Variants in LMBRD2 observed in about 807,000 individuals in gnomAD.
LMBRD2 encodes the protein LMBR1 domain containing 2.
A neutral mutation model predicts 94.4 loss-of-function variants in LMBRD2; 55 were observed. The observed-to-expected ratio is 0.58, with a 90% CI of 0.47 to 0.73. The LOEUF (loss-of-function observed/expected upper bound fraction) is 0.73, where lower values mean the gene tolerates loss of function less well. Ranked by LOEUF, LMBRD2 falls within the 30% of genes least tolerant of loss-of-function variation. The probability of loss-of-function intolerance (pLI) is 0.00; values close to 1 mark genes in which losing one functional copy is unlikely to be tolerated. For missense variants in LMBRD2, 640 were observed against 831.9 expected, an observed-to-expected ratio of 0.77 and a Z score of 2.84; for synonymous variants, 246 against 272.4, an observed-to-expected ratio of 0.90 and a Z score of 0.95.
At position 36,136,476 on chromosome 5, in the gene LMBRD2, C is replaced by T; in HGVS notation, c.580G>A (p.Gly194Ser). ...TIGIAAANTW[G>S]LFLLVLLLGY... ...AACAACAACACAAGAAGAAACAGAC[C>T]CCATGTATTTGCAGCAGCTATCCCA... The change falls in exon 6 of 18, where the codon GGT becomes AGT. Residue 194 changes from glycine (G) to serine (S), a missense_variant. Coordinates refer to ENST00000296603, the MANE Select transcript of LMBRD2 (RefSeq NM_001007527.2). 1.9e-6 allele frequency: 3 copies of T among 1,613,934 alleles called. No individual in the cohort carries two copies. The highest frequency in any genetic ancestry group is 2.5e-6 in the Non-Finnish European group (3 of 1,179,924).
intron 4 of LMBRD2, among the ~76,000 whole-genome samples, chr5:36,140,559 T>C (rs2111907015): frequency 6.6e-6 from 1 of 152,140 alleles, no homozygotes; most frequent in Admixed American, 6.5e-5. Context: ...GAAAAAAAGA[T>C]GGGTAGGTAT....
At chr5:36,136,237 C>A in intron 6 of LMBRD2, 72 bp downstream of exon 6, 1 of 1,452,646 alleles carries the variant, frequency 6.9e-7, no homozygotes, top group Non-Finnish European at 9.7e-7. Flanking sequence ...ACAACAACAA[C>A]AAACCAAAAA....
chr5:36,132,231 G>A (rs1744171681), intron 6 of LMBRD2, among the ~76,000 whole-genome samples: 1 of 152,048 alleles, frequency 6.6e-6, no homozygotes, highest in South Asian at 2.1e-4. Flanking sequence ...AATAAATGGT[G>A]CCAGGAAAAC....
intron 1 of LMBRD2, among the ~76,000 whole-genome samples, chr5:36,149,453 C>T (rs1373692780): frequency 6.6e-6 from 1 of 152,220 alleles, no homozygotes; most frequent in African/African-American, 2.4e-5. Context: ...GGCAAGTTAG[C>T]AGATTATCAG....
At chr5:36,129,569 G>A (rs1057301831) in intron 6 of LMBRD2, among the ~76,000 whole-genome samples, 4 of 152,010 alleles carry the variant, frequency 2.6e-5, no homozygotes, top group South Asian at 2.1e-4. Flanking sequence ...CAAAAGCTGA[G>A]AGATTTCGTC....
intron 6 of LMBRD2, among the ~76,000 whole-genome samples, chr5:36,131,268 T>C (rs1213560472): frequency 6.6e-6 from 1 of 152,106 alleles, no homozygotes; most frequent in East Asian, 1.9e-4. Flanking sequence ...TGAGAAAGCA[T>C]TGATAAAATT....
At chr5:36,109,077 T>G (rs1330166909) in intron 15 of LMBRD2, among the ~76,000 whole-genome samples, 2 of 152,130 alleles carry the variant, frequency 1.3e-5, no homozygotes, top group Non-Finnish European at 2.9e-5. Flanking sequence ...CACACGGCAT[T>G]GTGTGTTATC....
At chr5:36,122,243 C>T in intron 9 of LMBRD2, 37 bp downstream of exon 9, 4 of 1,462,342 alleles carry the variant, frequency 2.7e-6, no homozygotes, top group Middle Eastern at 2.0e-4. Flanking sequence ...GAAAACTTTT[C>T]ATCATTAAAG....
In LMBRD2 at chr5:36,099,071, A is replaced by ATATT. The variant is rs1434572358; in HGVS notation, c.*4971_*4974dup. 2.6e-5 allele frequency: 4 copies of ATATT among 152,116 alleles called. No individual in the cohort carries two copies. Among genetic ancestry groups the ATATT allele is most frequent in the African/African-American group, 9.6e-5 (4 of 41,456 alleles). The allele number at this position is 152,116 out of a possible 1,614,324, so 9.4% of individuals were successfully genotyped here. A position where few individuals can be genotyped will look rare whatever the true frequency, so the allele number is the denominator to read the frequency against. ...GCAATGCAGAAATTAGGTTTTTGGT[A>ATATT]TATTAATAATTTGCTTGTGTATTGG... On this transcript the variant is annotated 3_prime_UTR_variant, in exon 18 of 18. Transcript: ENST00000296603.
intron 8 of LMBRD2, 108 bp downstream of exon 8, chr5:36,122,740 A>G: frequency 3.8e-6 from 5 of 1,323,560 alleles, no homozygotes; most frequent in Non-Finnish European, 5.1e-6. Context: ...ACGGGATTAA[A>G]GGAAGTTTTA....
intron 6 of LMBRD2, among the ~76,000 whole-genome samples, chr5:36,130,891 T>C (rs1297055318): frequency 6.6e-6 from 1 of 152,170 alleles, no homozygotes; most frequent in Non-Finnish European, 1.5e-5. Context: ...ATGGCTTCAC[T>C]GCTGAATTTT....
chr5:36,111,272 ATT>A lies in LMBRD2; in HGVS notation c.1641-16_1641-15del. On this transcript the variant is annotated splice_polypyrimidine_tract_variant and intron_variant, in intron 13 of 17. Transcript: ENST00000296603. ...CGGGTTCCCAAACTAATAAAAGCAG[ATT>A]TTTTAAAAAGACAAACATTATTTCA... The A allele has an allele frequency of 6.5e-7, 1 of 1,544,002 alleles. No homozygotes were observed. The highest frequency in any genetic ancestry group is 8.9e-7 in the Non-Finnish European group (1 of 1,119,552).
At chr5:36,121,229 C>T (rs1010778126) in intron 9 of LMBRD2, among the ~76,000 whole-genome samples, 12 of 152,150 alleles carry the variant, frequency 7.9e-5, no homozygotes, top group African/African-American at 2.9e-4. Context: ...TAATACATAG[C>T]ACTAATGTAC....
chr5:36,117,599 T>A (rs1293925415), intron 10 of LMBRD2, 136 bp downstream of exon 10: 2 of 538,272 alleles, frequency 3.7e-6, no homozygotes, highest in Non-Finnish European at 6.3e-6. Flanking sequence ...ATGAAGCACA[T>A]TTCTGGAAGT....
At chr5:36,111,065 A>T (rs43189) in intron 14 of LMBRD2, 90 bp downstream of exon 14, 656,933 of 794,614 alleles carry the variant, frequency 0.83, 276,576 homozygotes, top group Non-Finnish European at 0.87. Context: ...AGATTAAAAA[A>T]TATTCACAAA....
chr5:36,106,608 C>G (rs947673262), intron 16 of LMBRD2, among the ~76,000 whole-genome samples: 1 of 146,132 alleles, frequency 6.8e-6, no homozygotes, highest in African/African-American at 2.5e-5. Flanking sequence ...CTCCTGAGTT[C>G]AAGTAATTCT....
In LMBRD2 at chr5:36,103,820, G is replaced by T; in HGVS notation, c.*226C>A. The stretch of plus-strand genomic sequence containing the variant: ...CTTCCACTGTAACTGTATTTCTAAG[G>T]CAGATGCTTAGGAAATGATATGTAA... On this transcript the variant is annotated 3_prime_UTR_variant, in exon 18 of 18. Coordinates refer to ENST00000296603, the MANE Select transcript of LMBRD2 (RefSeq NM_001007527.2). 9.0e-6 allele frequency: 3 copies of T among 333,948 alleles called. No individual in the cohort carries two copies. Among genetic ancestry groups the T allele is most frequent in the Non-Finnish European group, 1.7e-5 (3 of 179,474 alleles). 20.7% of individuals were successfully genotyped at this position (333,948 alleles called of 1,614,324 possible).
intron 15 of LMBRD2, among the ~76,000 whole-genome samples, chr5:36,109,569 G>A (rs930321782): frequency 3.4e-4 from 52 of 151,986 alleles, no homozygotes; most frequent in African/African-American, 1.2e-3. Context: ...AAAAATTAAG[G>A]AGGAATAAAA....
At chr5:36,108,693 G>A in intron 15 of LMBRD2, 54 bp from the exon 16 acceptor site, 1 of 771,488 alleles carries the variant, frequency 1.3e-6, no homozygotes, top group South Asian at 2.5e-5. Context: ...ATTCATTAAT[G>A]TCAAGAGATT....
Sources: gnomAD v4.1 joint callset for allele counts (sites outside exome capture counted in the v4.1 genomes callset) on GRCh38, gnomAD v4.1.1 for gene constraint, MANE v1.5 for transcripts, NCBI Gene and HGNC (gene_info 2026-07-23, HGNC 2026-07-21) for gene names.